NR6A1: variants seen among roughly 807,000 people sequenced by gnomAD.
The protein encoded by NR6A1 is nuclear receptor subfamily 6 group A member 1, also known as retinoic acid receptor-related testis-associated receptor.
Under a neutral mutation model 59.1 loss-of-function variants are expected in NR6A1, and 7 were observed. That is an observed-to-expected ratio of 0.12 (90% confidence interval 0.07 to 0.22). NR6A1 has a LOEUF of 0.22. Among genes scored for constraint, NR6A1 ranks in the 10% least tolerant of loss-of-function variants. NR6A1 has a pLI of 1.00. For missense variants in NR6A1, 468 were observed against 611.6 expected (o/e 0.77, Z 2.48); for synonymous variants, 243 against 236.1 (o/e 1.03, Z -0.27).
chr9:124,661,554 G>T (rs941385459), intron 2 of NR6A1, among the ~76,000 whole-genome samples: 4 of 152,290 alleles, frequency 2.6e-5, no homozygotes, highest in East Asian at 3.9e-4. Context: ...GTCAAAAAAG[G>T]CTTTGGAAAC....
intron 9 of NR6A1, among the ~76,000 whole-genome samples, chr9:124,523,063 T>C (rs755934799): frequency 1.3e-5 from 2 of 152,168 alleles, no homozygotes; most frequent in Non-Finnish European, 2.9e-5. Flanking sequence ...GTTAAATGCA[T>C]TACCTCGTTG....
chr9:124,595,853 T>TCCGACACTTGGTCAATTCCTCTAAG (rs1169378616), intron 2 of NR6A1: 3 of 1,284,378 alleles, frequency 2.3e-6, no homozygotes, highest in Middle Eastern at 2.1e-4. Context: ...TGACTACCCT[T>TCCGACACTTGGTCAATTCCTCTAAG]CCGACACTTG....
intron 2 of NR6A1, among the ~76,000 whole-genome samples, chr9:124,633,701 A>G (rs139700510): frequency 1.3e-5 from 2 of 152,282 alleles, no homozygotes; most frequent in African/African-American, 4.8e-5. Context: ...CCATCGGGCC[A>G]AATTCTACAA....
intron 2 of NR6A1, chr9:124,658,835 A>G (rs1346979455): frequency 6.6e-6 from 1 of 152,110 alleles, no homozygotes; most frequent in African/African-American, 2.4e-5. Flanking sequence ...TAATTTGTGT[A>G]ATGGAATACT....
chr9:124,727,244 G>C (rs2131112024), intron 2 of NR6A1, among the ~76,000 whole-genome samples: 1 of 152,258 alleles, frequency 6.6e-6, no homozygotes, highest in East Asian at 1.9e-4. Context: ...GTAGCTTGTG[G>C]GAAAAAACCC....
chr9:124,764,753 A>G (rs1039324386), intron 1 of NR6A1, among the ~76,000 whole-genome samples: 1 of 152,206 alleles, frequency 6.6e-6, no homozygotes, highest in Non-Finnish European at 1.5e-5. Context: ...ACTATTACCA[A>G]ATTTTTAAAA....
chr9:124,719,714 T>C (rs1839508131), intron 2 of NR6A1, among the ~76,000 whole-genome samples: 1 of 151,728 alleles, frequency 6.6e-6, no homozygotes, highest in Admixed American at 6.6e-5. Context: ...AGTCTAGGAG[T>C]TGGAAACCAG....
At chr9:124,670,041 ACATAC>A (rs1837741514) in intron 2 of NR6A1, among the ~76,000 whole-genome samples, 1 of 152,116 alleles carries the variant, frequency 6.6e-6, no homozygotes, top group African/African-American at 2.4e-5. Context: ...TAAGAAACTT[ACATAC>A]CATTTTTCCC....
chr9:124,611,718 C>T (rs1835747944), intron 2 of NR6A1, among the ~76,000 whole-genome samples: 1 of 135,036 alleles, frequency 7.4e-6, no homozygotes, highest in Non-Finnish European at 1.5e-5. Flanking sequence ...CACTGTGCTC[C>T]AGGCCTGCAC....
intron 1 of NR6A1, among the ~76,000 whole-genome samples, chr9:124,759,628 A>T (rs1840732928): frequency 6.6e-6 from 1 of 152,230 alleles, no homozygotes. Context: ...GGATACAGAT[A>T]AAAGACATTG....
Position 124,521,554 on chromosome 9 carries a change from G to GTGAA in NR6A1, c.*1147_*1150dup, listed in dbSNP as rs1388512548. The GTGAA allele has an allele frequency of 6.6e-6, 1 of 152,300 alleles. No individual in the cohort carries two copies. The highest frequency in any genetic ancestry group is 1.5e-5 in the Non-Finnish European group (1 of 68,096). The allele number at this position is 152,300 out of a possible 1,614,324, so 9.4% of individuals were successfully genotyped here. On this transcript the variant is annotated 3_prime_UTR_variant, in exon 10 of 10. Coordinates refer to ENST00000487099, the MANE Select transcript of NR6A1 (RefSeq NM_033334.4). ...GGCAACATTTCTGGTCAGCAGACAGGTGAATGGTCCTTCTCATTGTTTAAA... is the reference window on the plus strand; with the variant it reads ...GGCAACATTTCTGGTCAGCAGACAGGTGAATGAATGGTCCTTCTCATTGTTTAAA...
intron 2 of NR6A1, among the ~76,000 whole-genome samples, chr9:124,628,207 T>C (rs553243179): frequency 6.6e-6 from 1 of 152,256 alleles, no homozygotes; most frequent in East Asian, 1.9e-4. Context: ...TTTGTATTAT[T>C]AGTAGAGACG....
chr9:124,720,924 T>C (rs950895849), intron 2 of NR6A1, among the ~76,000 whole-genome samples: 1 of 152,330 alleles, frequency 6.6e-6, no homozygotes, highest in East Asian at 1.9e-4. Flanking sequence ...AGAATTCCCA[T>C]GTATTCCCTT....
At chr9:124,524,999 G>C in intron 8 of NR6A1, 126 bp from the exon 9 acceptor site, 1 of 1,107,702 alleles carries the variant, frequency 9.0e-7, no homozygotes, top group Non-Finnish European at 1.2e-6. Flanking sequence ...GTCACAACAG[G>C]AGATCTCCTC....
intron 2 of NR6A1, among the ~76,000 whole-genome samples, chr9:124,620,582 T>C (rs1367850513): frequency 6.6e-6 from 1 of 152,190 alleles, no homozygotes; most frequent in Non-Finnish European, 1.5e-5. Flanking sequence ...AGATAATACA[T>C]ATGGTATAAT....
intron 2 of NR6A1, chr9:124,598,987 G>T: frequency 1.4e-6 from 1 of 733,498 alleles, no homozygotes; most frequent in African/African-American, 1.7e-5. Flanking sequence ...CCATTGGCGT[G>T]TAGTGGTTGG....
intron 2 of NR6A1, chr9:124,599,074 G>A (rs1056695763): frequency 1.9e-5 from 14 of 723,866 alleles, no homozygotes; most frequent in Non-Finnish European, 3.1e-5. Flanking sequence ...GGAGCTTGAC[G>A]TCACCAGTGC....
Position 124,771,259 on chromosome 9 carries a change from C to G in NR6A1, c.-140G>C, listed in dbSNP as rs1841157791. On this transcript the variant is annotated 5_prime_UTR_variant, in exon 1 of 10. Coordinates refer to ENST00000487099, the MANE Select transcript of NR6A1 (RefSeq NM_033334.4). ...GCCGCGGCTCTCTCTGGGCCCCGAG[C>G]CGCCCGGCTCCGCGCCGCTCCGCGC... 1 of 422,122 alleles carries G rather than the reference C, an allele frequency of 2.4e-6. No homozygotes were observed. Among genetic ancestry groups the G allele is most frequent in the Admixed American group, 4.4e-5 (1 of 22,504 alleles). The allele number at this position is 422,122 out of a possible 1,614,324, so 26.1% of individuals were successfully genotyped here. A position where few individuals can be genotyped will look rare whatever the true frequency, so the allele number is the denominator to read the frequency against.
chr9:124,737,379 G>T (rs1840045981), intron 1 of NR6A1, among the ~76,000 whole-genome samples: 1 of 152,160 alleles, frequency 6.6e-6, no homozygotes, highest in African/African-American at 2.4e-5. Context: ...TGACCACAAG[G>T]CAATGAAATG....
Sources: allele counts gnomAD v4.1 joint callset (sites outside exome capture counted in the v4.1 genomes callset), GRCh38; gene constraint gnomAD v4.1.1; transcripts MANE v1.5; gene names NCBI Gene and HGNC (gene_info 2026-07-23, HGNC 2026-07-21).